NUGGC: variants seen among roughly 807,000 people sequenced by gnomAD.
The protein encoded by NUGGC is nuclear GTPase SLIP-GC.
NUGGC carries 58 observed loss-of-function variants against 92.6 expected under a neutral mutation model. That is an observed-to-expected ratio of 0.63 (90% CI 0.51 to 0.78). The LOEUF is 0.78. NUGGC is among the 30% of genes least tolerant of loss of function. NUGGC has a pLI of 0.00. For synonymous variants in NUGGC, 376 were observed against 366.4 expected (o/e 1.03, Z -0.30); for missense variants, 925 against 964.6 (o/e 0.96, Z 0.54).
intron 1 of NUGGC, among the ~76,000 whole-genome samples, chr8:28,083,356 A>G (rs1187801376): frequency 6.6e-6 from 1 of 152,240 alleles, no homozygotes; most frequent in Non-Finnish European, 1.5e-5. Context: ...ACAAATGCCA[A>G]TAGGAGAAGC....
Position 28,027,016 on chromosome 8 carries a change from T to C in NUGGC, c.2191A>G (p.Thr731Ala). 1 of 1,613,756 alleles carries C rather than the reference T, an allele frequency of 6.2e-7. No homozygotes were observed. The part of the protein sequence containing the change: ...IVEKVKGSIT[T>A]MLALASSQGD... Reference sequence around the variant, plus strand: ...TGGGACGAAGCAAGGGCCAGCATAGTGGTGATGCTGCCCTTCACCTTCTCC... The same window carrying C: ...TGGGACGAAGCAAGGGCCAGCATAGCGGTGATGCTGCCCTTCACCTTCTCC... Residue 731 changes from threonine (T) to alanine (A), a missense_variant, in exon 18 of 19, where the codon ACT becomes GCT. Physicochemically the swap from Thr to Ala is moderately conservative, Grantham distance 58 (BLOSUM62 0). Transcript: ENST00000413272.
chr8:28,040,398 A>G (rs1809662026), intron 13 of NUGGC, among the ~76,000 whole-genome samples: 1 of 152,228 alleles, frequency 6.6e-6, no homozygotes, highest in Non-Finnish European at 1.5e-5. Context: ...AGCATTGAGC[A>G]TCCTCATTTT....
intron 6 of NUGGC, among the ~76,000 whole-genome samples, chr8:28,065,871 C>T (rs4732812): frequency 0.27 from 41,355 of 152,086 alleles, 5,812 homozygotes; most frequent in Middle Eastern, 0.34. Context: ...CTCTTTAAGA[C>T]ATTGTAATTT....
intron 7 of NUGGC, among the ~76,000 whole-genome samples, chr8:28,063,726 T>G: frequency 6.6e-6 from 1 of 152,168 alleles, no homozygotes; most frequent in Non-Finnish European, 1.5e-5. Context: ...TGACTGGAAG[T>G]CGTGGTTACC....
chr8:28,070,182 T>A (rs1810550656), intron 3 of NUGGC, 70 bp downstream of exon 3: 2 of 1,490,030 alleles, frequency 1.3e-6, no homozygotes, highest in African/African-American at 2.8e-5. Flanking sequence ...AACCTCCTCT[T>A]CCTTTGACCA....
chr8:28,044,807 C>T (rs1809787451), intron 12 of NUGGC, among the ~76,000 whole-genome samples: 1 of 152,140 alleles, frequency 6.6e-6, no homozygotes, highest in Non-Finnish European at 1.5e-5. Context: ...ACACACGGTC[C>T]AGCAATTGTC....
At chr8:28,064,248 C>T (rs755894407) in intron 7 of NUGGC, among the ~76,000 whole-genome samples, 5 of 152,224 alleles carry the variant, frequency 3.3e-5, no homozygotes, top group South Asian at 2.1e-4. Flanking sequence ...CTTGGTCACT[C>T]TGTTTCCTCT....
intron 12 of NUGGC, among the ~76,000 whole-genome samples, chr8:28,041,438 A>G (rs1327932194): frequency 6.6e-6 from 1 of 152,190 alleles, no homozygotes; most frequent in African/African-American, 2.4e-5. Context: ...AACTTATTTC[A>G]TTTCTTAAAA....
chr8:28,063,027 C>T (rs1317425902), intron 7 of NUGGC, among the ~76,000 whole-genome samples: 1 of 151,882 alleles, frequency 6.6e-6, no homozygotes, highest in African/African-American at 2.4e-5. Flanking sequence ...TAGAGGAGTT[C>T]AGAGACATGC....
intron 2 of NUGGC, among the ~76,000 whole-genome samples, chr8:28,070,777 G>A (rs892618989): frequency 6.6e-5 from 10 of 150,974 alleles, no homozygotes; most frequent in African/African-American, 2.2e-4. Flanking sequence ...TGTAGAGACA[G>A]TGTTTCTGTA....
intron 5 of NUGGC, 106 bp from the exon 6 acceptor site, chr8:28,067,850 C>A: frequency 1.2e-6 from 1 of 838,330 alleles, no homozygotes; most frequent in Non-Finnish European, 1.9e-6. Flanking sequence ...GCTGCATATT[C>A]AGAAAATCTA....
At chr8:28,077,276 G>T (rs1008090382) in intron 1 of NUGGC, among the ~76,000 whole-genome samples, 3 of 152,076 alleles carry the variant, frequency 2.0e-5, no homozygotes, top group African/African-American at 7.3e-5. Context: ...ATAATTTTAG[G>T]CAGGGTGTGA....
At chr8:28,054,804 G>A (rs181454724) in intron 10 of NUGGC, among the ~76,000 whole-genome samples, 100 of 151,626 alleles carry the variant, frequency 6.6e-4, no homozygotes, top group Non-Finnish European at 7.5e-4. Flanking sequence ...TCCCAGCTAC[G>A]TGGGAGGCTG....
chr8:28,074,246 T>C (rs1585604201), intron 2 of NUGGC, 122 bp downstream of exon 2: 2 of 721,870 alleles, frequency 2.8e-6, no homozygotes, highest in East Asian at 5.4e-5. Flanking sequence ...AGAAAGCACC[T>C]TCTGAATAAA....
At chr8:28,074,537 G>C in intron 1 of NUGGC, 81 bp from the exon 2 acceptor site, 1 of 864,218 alleles carries the variant, frequency 1.2e-6, no homozygotes, top group Non-Finnish European at 1.9e-6. Context: ...GTGTCAGTCT[G>C]CTTGTGCGGT....
intron 17 of NUGGC, among the ~76,000 whole-genome samples, chr8:28,028,786 T>C (rs1010360571): frequency 6.6e-6 from 1 of 152,158 alleles, no homozygotes; most frequent in African/African-American, 2.4e-5. Context: ...CCTTGAGTAG[T>C]GTATTGATAT....
chr8:28,034,975 T>C (rs1809518435), intron 13 of NUGGC, among the ~76,000 whole-genome samples: 1 of 152,224 alleles, frequency 6.6e-6, no homozygotes, highest in Non-Finnish European at 1.5e-5. Flanking sequence ...CTTCCCAAAT[T>C]TCTGATCTCA....
At chr8:28,064,327 T>G (rs1220180422) in intron 7 of NUGGC, among the ~76,000 whole-genome samples, 195 bp downstream of exon 7, 1 of 152,212 alleles carries the variant, frequency 6.6e-6, no homozygotes, top group East Asian at 1.9e-4. Context: ...AGTCACATCC[T>G]GTGATTCCTC....
chr8:28,034,500 G>A (rs1809504766), intron 13 of NUGGC, among the ~76,000 whole-genome samples: 1 of 152,088 alleles, frequency 6.6e-6, no homozygotes, highest in Non-Finnish European at 1.5e-5. Flanking sequence ...ATTACAACAT[G>A]AGAATATCCC....
Sources: allele counts gnomAD v4.1 joint callset (sites outside exome capture counted in the v4.1 genomes callset), GRCh38; gene constraint gnomAD v4.1.1; transcripts MANE v1.5; gene names NCBI Gene and HGNC (gene_info 2026-07-23, HGNC 2026-07-21).